Variants in SLC3A1 observed in about 807,000 individuals in gnomAD.
The protein encoded by SLC3A1 is solute carrier family 3 member 1, also known as amino acid transporter heavy chain SLC3A1.
Under a neutral mutation model 60.3 loss-of-function variants are expected in SLC3A1, and 78 were observed. The ratio of observed to expected loss-of-function variants is 1.29; its 90% CI spans 1.08 to 1.56. The LOEUF is 1.56. Among genes scored for constraint, SLC3A1 ranks in the 40% most tolerant of loss-of-function variants. The pLI is 0.00. For missense variants in SLC3A1, 1,172 were observed against 858.9 expected (o/e 1.36, Z -4.56); for synonymous variants, 392 against 307.9 (o/e 1.27, Z -2.86).
At chr2:44,275,992 G>A in intron 1 of SLC3A1, 27 bp downstream of exon 1, 1 of 1,604,804 alleles carries the variant, frequency 6.2e-7, no homozygotes, top group Non-Finnish European at 8.5e-7. Flanking sequence ...CATTTAGGGT[G>A]GGTGCCAGGA....
intron 3 of SLC3A1, among the ~76,000 whole-genome samples, chr2:44,283,311 C>T (rs1409987348): frequency 6.6e-6 from 1 of 152,224 alleles, no homozygotes; most frequent in Non-Finnish European, 1.5e-5. Context: ...AACAGGCTGT[C>T]AGCAAGTCCT....
In SLC3A1 at chr2:44,308,113, G is replaced by GGGT. The variant is rs1347583695; in HGVS notation, c.1332+3777_1332+3779dup. Among the ~76,000 whole-genome samples the GGGT allele has an allele frequency of 2.0e-5, 3 of 152,050 alleles. No homozygotes were observed. The East Asian group carries it at 5.8e-4, about 29-fold the overall frequency. On this transcript the variant is annotated intron_variant, in intron 7 of 9. Transcript: ENST00000260649. ...TACACTCCAGGGTGAACTCCAGCCT[G>GGGT]GGTGACAGAGTGAGACCCCGTCTCT... is the stretch of plus-strand genomic sequence containing the variant.
Position 44,312,707 on chromosome 2 carries a change from G to A in SLC3A1, c.1454G>A (p.Gly485Glu). ...TPITYYGEEI[G>E]MGNIVAANLN... ...ATAACTTACTATGGAGAAGAAATTGGAATGGGAAATATTGTAGCCGCAAAT... is the reference window on the plus strand; with the variant it reads ...ATAACTTACTATGGAGAAGAAATTGAAATGGGAAATATTGTAGCCGCAAAT... The change falls in exon 8 of 10, where the codon GGA becomes GAA. Residue 485 changes from glycine (G) to glutamate (E), a missense_variant. By Grantham distance (98) the Gly-to-Glu change is moderately conservative. Transcript: ENST00000260649. 1 of 1,613,600 alleles carries A rather than the reference G, an allele frequency of 6.2e-7. No individual in the cohort carries two copies. Among genetic ancestry groups the A allele is most frequent in the South Asian group, 1.1e-5 (1 of 91,066 alleles).
chr2:44,312,808 T>C (rs748179623), intron 8 of SLC3A1, 55 bp downstream of exon 8: 1 of 1,498,096 alleles, frequency 6.7e-7, no homozygotes, highest in African/African-American at 1.5e-5. Context: ...AGTATTCATT[T>C]TTTATTTTTT....
chr2:44,320,348 C>T lies in SLC3A1; in HGVS notation c.1767C>T (p.Ile589=), dbSNP rs142141929. 1,195 of 1,614,078 alleles carry T rather than the reference C, an allele frequency of 7.4e-4. 1 individual carries two copies. The highest frequency in any genetic ancestry group is 9.6e-4 in the Non-Finnish European group (1,134 of 1,179,968). The change falls in exon 10 of 10, where the codon ATC becomes ATT. Residue 589 remains isoleucine, a synonymous_variant. Transcript: ENST00000260649. The stretch of plus-strand genomic sequence containing the variant: ...TGTACACAAGAGAGCTGGATGGCAT[C>T]GACAGAATCTTTATCGTGGTTCTGA... The part of the protein sequence containing the change: ...YVVYTRELDG[I]DRIFIVVLNF...
rs1337286634 is a variant in SLC3A1, at chr2:44,299,963, A to G, written c.892-8A>G. 1 of 1,613,920 alleles carries G rather than the reference A, an allele frequency of 6.2e-7. No homozygotes were observed. The highest frequency in any genetic ancestry group is 2.2e-5 in the East Asian group (1 of 44,882). On this transcript the variant is annotated splice_region_variant and splice_polypyrimidine_tract_variant and intron_variant, in intron 4 of 9. Coordinates refer to ENST00000260649, the MANE Select transcript of SLC3A1 (RefSeq NM_000341.4). ...ATGTAACCAAGCATTTTGCTTCTTC[A>G]TCTTTAGGAAATTTTACGGTTCTGG...
intron 2 of SLC3A1, 29 bp from the exon 3 acceptor site, chr2:44,281,358 T>A (rs767779338): frequency 6.3e-7 from 1 of 1,587,260 alleles, no homozygotes; most frequent in Non-Finnish European, 8.6e-7. Context: ...AATCTTTCCC[T>A]AGCATTTGAA....
chr2:44,297,491 T>A (rs78264816), intron 4 of SLC3A1, among the ~76,000 whole-genome samples: 3,092 of 152,306 alleles, frequency 0.02, 123 homozygotes, highest in African/African-American at 0.071. Flanking sequence ...TTCCTTCTCC[T>A]GCTGTGCCCA....
Position 44,320,245 on chromosome 2 carries a change from T to TAA in SLC3A1, c.1665_1666dup (p.Ser556LysfsTer19). On this transcript the variant is annotated frameshift_variant, in exon 10 of 10. Transcript: ENST00000260649. LOFTEE classifies it low-confidence loss of function (END_TRUNC). Reference sequence around the variant, plus strand: ...TCGGCTTTGAAGTTATATCAAGATTTAAGTCTACTTCATGCCAATGAGCTA... The same window carrying TAA: ...TCGGCTTTGAAGTTATATCAAGATTTAAAAGTCTACTTCATGCCAATGAGCTA... 6.2e-7 allele frequency: 1 copy of TAA among 1,614,088 alleles called. No homozygotes were observed. The highest frequency in any genetic ancestry group is 8.5e-7 in the Non-Finnish European group (1 of 1,179,954).
At chr2:44,310,473 G>T (rs928091577) in intron 7 of SLC3A1, among the ~76,000 whole-genome samples, 1 of 152,028 alleles carries the variant, frequency 6.6e-6, no homozygotes, top group Non-Finnish European at 1.5e-5. Context: ...TTGCCCTCTG[G>T]CCTTCATGGT....
intron 4 of SLC3A1, among the ~76,000 whole-genome samples, chr2:44,286,997 T>A (rs1432368285): frequency 6.6e-6 from 1 of 152,194 alleles, no homozygotes; most frequent in Admixed American, 6.5e-5. Context: ...ATTTGTCTCA[T>A]AGGGCTGTTT....
At chr2:44,297,436 T>C (rs4952710) in intron 4 of SLC3A1, among the ~76,000 whole-genome samples, 91,156 of 151,920 alleles carry the variant, frequency 0.6, 27,900 homozygotes, top group Non-Finnish European at 0.66. Context: ...CCACCCTCCA[T>C]TGAAATCCCA....
At chr2:44,283,901 T>G (rs1438595421) in intron 3 of SLC3A1, among the ~76,000 whole-genome samples, 4 of 149,840 alleles carry the variant, frequency 2.7e-5, no homozygotes, top group Non-Finnish European at 5.9e-5. Flanking sequence ...TTTATTCATG[T>G]AACTTCAGGT....
At chr2:44,276,112 A>T in intron 1 of SLC3A1, 147 bp downstream of exon 1, 1 of 762,864 alleles carries the variant, frequency 1.3e-6, no homozygotes, top group South Asian at 1.5e-5. Context: ...TGTTTATGAT[A>T]TTCTTAGAAA....
In SLC3A1 at chr2:44,317,937, T is replaced by C. The variant is rs114128827; in HGVS notation, c.1618-2262T>C. 9.9e-3 allele frequency: 2,478 copies of C among 250,728 alleles called. 24 individuals are homozygous for C. The highest frequency in any genetic ancestry group is 0.015 in the Non-Finnish European group (1,809 of 123,820). 15.5% of individuals were successfully genotyped at this position (250,728 alleles called of 1,614,324 possible). On this transcript the variant is annotated intron_variant, in intron 9 of 9. Coordinates refer to ENST00000260649, the MANE Select transcript of SLC3A1 (RefSeq NM_000341.4). ...AAACACTAACATAAAACACAAAGAA[T>C]TAAAATGAAGATATAGCAAGCAAAT...
chr2:44,301,393 AAG>A (rs939324591), intron 6 of SLC3A1: 2 of 603,696 alleles, frequency 3.3e-6, no homozygotes, highest in African/African-American at 1.9e-5. Context: ...GTTAATGAAA[AAG>A]AGATTATATT....
At chr2:44,313,600 A>C (rs887784689) in intron 8 of SLC3A1, among the ~76,000 whole-genome samples, 1 of 152,236 alleles carries the variant, frequency 6.6e-6, no homozygotes, top group Admixed American at 6.5e-5. Flanking sequence ...AGCATGTATT[A>C]AAGTTCGATT....
intron 7 of SLC3A1, among the ~76,000 whole-genome samples, chr2:44,311,723 T>TAAAA (rs11443762): frequency 6.8e-6 from 1 of 147,054 alleles, no homozygotes; most frequent in African/African-American, 2.5e-5. Flanking sequence ...CTAAGGAAGT[T>TAAAA]AAAAAAAAAA....
In SLC3A1 at chr2:44,275,918, C is replaced by T. The variant is rs576810133; in HGVS notation, c.383C>T (p.Pro128Leu). ...WQEGPMYQIY[P>L]RSFKDSNKDG... is the part of the protein sequence containing the mutation. ...GAGGGGCCCATGTACCAGATCTACC[C>T]AAGGTCTTTCAAGGACAGTAACAAG... The change falls in exon 1 of 10, where the codon CCA (proline) becomes CTA (leucine). Residue 128 changes from proline (P) to leucine (L), a missense_variant. Coordinates refer to ENST00000260649, the MANE Select transcript of SLC3A1 (RefSeq NM_000341.4). 8.1e-6 allele frequency: 13 copies of T among 1,614,214 alleles called. No individual in the cohort carries two copies. In the African/African-American group the frequency reaches 1.1e-4, roughly 13 times the overall value.
Sources: gnomAD v4.1 joint callset for allele counts (sites outside exome capture counted in the v4.1 genomes callset) on GRCh38, gnomAD v4.1.1 for gene constraint, MANE v1.5 for transcripts, NCBI Gene and HGNC (gene_info 2026-07-23, HGNC 2026-07-21) for gene names.